The following EPAS1 variants were observed in gnomAD, a reference collection of about 807,000 sequenced individuals.
EPAS1 encodes endothelial PAS domain-containing protein 1.
EPAS1 carries 23 observed loss-of-function variants against 87.9 expected under a neutral mutation model. That is an observed-to-expected ratio of 0.26 (90% CI 0.19 to 0.37). EPAS1 has a LOEUF of 0.37. Among genes scored for constraint, EPAS1 ranks in the 10% least tolerant of loss-of-function variants. The probability of loss-of-function intolerance (pLI) is 1.00; values close to 1 mark genes in which losing one functional copy is unlikely to be tolerated. For missense variants in EPAS1, 1,138 were observed against 1,120.7 expected, an observed-to-expected ratio of 1.02 and a Z score of -0.22; for synonymous variants, 508 against 444.3, an observed-to-expected ratio of 1.14 and a Z score of -1.80.
chr2:46,341,438 G>A (rs1311093303), intron 1 of EPAS1, among the ~76,000 whole-genome samples: 3 of 152,206 alleles, frequency 2.0e-5, no homozygotes, highest in Admixed American at 2.0e-4. Flanking sequence ...CCACCTACCA[G>A]CATAAAGTTA....
intron 1 of EPAS1, chr2:46,335,969 G>C (rs191965827): frequency 6.6e-6 from 1 of 152,186 alleles, no homozygotes; most frequent in Non-Finnish European, 1.5e-5. Context: ...TCTTGTTCAC[G>C]CTGCAGGAGG....
intron 2 of EPAS1, among the ~76,000 whole-genome samples, chr2:46,350,681 G>C (rs1182281401): frequency 6.6e-6 from 1 of 152,232 alleles, no homozygotes; most frequent in African/African-American, 2.4e-5. Context: ...TGCATTCTGA[G>C]GGCATTAAAC....
intron 1 of EPAS1, among the ~76,000 whole-genome samples, chr2:46,308,882 G>A (rs1256034796): frequency 6.6e-6 from 1 of 152,150 alleles, no homozygotes; most frequent in African/African-American, 2.4e-5. Flanking sequence ...CTGCACATTG[G>A]TTACCCCTGT....
At chr2:46,379,704 C>T (rs1684842114) in intron 11 of EPAS1, 1 of 180,904 alleles carries the variant, frequency 5.5e-6, no homozygotes, top group African/African-American at 2.4e-5. Flanking sequence ...CTGATTGGAA[C>T]CAAAGTCTCT....
chr2:46,312,761 T>G (rs1210892627), intron 1 of EPAS1, among the ~76,000 whole-genome samples: 1 of 152,186 alleles, frequency 6.6e-6, no homozygotes, highest in Non-Finnish European at 1.5e-5. Context: ...CCCTGAGATG[T>G]GAGGAAATCT....
intron 1 of EPAS1, among the ~76,000 whole-genome samples, chr2:46,312,542 A>T (rs955367445): frequency 2.0e-5 from 3 of 152,184 alleles, no homozygotes; most frequent in Non-Finnish European, 4.4e-5. Context: ...GCAGACCTTC[A>T]AGGCATCATT....
chr2:46,360,334 G>A lies in EPAS1; in HGVS notation c.455-304G>A, dbSNP rs535394570. ...CTGAGTTAGTGGCTGATAGGCAGTCGTTGTGTCGCTGCTCTGAAGGCACCA... is the reference window on the plus strand; with the variant it reads ...CTGAGTTAGTGGCTGATAGGCAGTCATTGTGTCGCTGCTCTGAAGGCACCA... On this transcript the variant is annotated intron_variant, in intron 4 of 15. Coordinates refer to ENST00000263734, the MANE Select transcript of EPAS1 (RefSeq NM_001430.5). The surrounding 1 kb of genome is among the most constrained non-coding windows in gnomAD (Gnocchi z 4.5). 1.3e-5 allele frequency among the ~76,000 whole-genome samples: 2 copies of A among 152,180 alleles called. No individual in the cohort carries two copies. The highest frequency in any genetic ancestry group is 2.4e-5 in the African/African-American group (1 of 41,422).
At chr2:46,315,105 A>G (rs535521708) in intron 1 of EPAS1, among the ~76,000 whole-genome samples, 1 of 152,290 alleles carries the variant, frequency 6.6e-6, no homozygotes, top group East Asian at 1.9e-4. Flanking sequence ...GGGGCTTCCA[A>G]AATATCAACT....
chr2:46,299,119 T>A (rs1321030902), intron 1 of EPAS1, among the ~76,000 whole-genome samples: 1 of 152,218 alleles, frequency 6.6e-6, no homozygotes, highest in Non-Finnish European at 1.5e-5. Flanking sequence ...CCGGGAGGGC[T>A]CACTGCCGAG....
intron 1 of EPAS1, among the ~76,000 whole-genome samples, chr2:46,306,382 T>C (rs1179440421): frequency 6.6e-6 from 1 of 152,206 alleles, no homozygotes; most frequent in Non-Finnish European, 1.5e-5. Context: ...CAAGCCACAC[T>C]GTCTGAAGTA....
At chr2:46,333,543 G>A (rs185524507) in intron 1 of EPAS1, among the ~76,000 whole-genome samples, 3 of 152,198 alleles carry the variant, frequency 2.0e-5, no homozygotes, top group Admixed American at 6.5e-5. Flanking sequence ...AGCACTTCAG[G>A]TGGAACAAAT....
chr2:46,376,393 T>C, intron 8 of EPAS1, 146 bp from the exon 9 acceptor site: 3 of 781,040 alleles, frequency 3.8e-6, no homozygotes, highest in Admixed American at 1.8e-5. Context: ...ACACTTCTAT[T>C]GTATGGTTCT....
At chr2:46,367,792 C>T (rs563659957) in intron 6 of EPAS1, among the ~76,000 whole-genome samples, 34 of 152,280 alleles carry the variant, frequency 2.2e-4, no homozygotes, top group African/African-American at 7.7e-4. Flanking sequence ...GGCTTTAACC[C>T]CCAAATTCTC....
chr2:46,303,570 G>A (rs950226782), intron 1 of EPAS1, among the ~76,000 whole-genome samples: 1 of 152,208 alleles, frequency 6.6e-6, no homozygotes, highest in African/African-American at 2.4e-5. Context: ...AGTGGAGACA[G>A]CTATGACTCC....
At chr2:46,383,089 G>A (rs951566586) in intron 15 of EPAS1, among the ~76,000 whole-genome samples, 35 of 152,350 alleles carry the variant, frequency 2.3e-4, no homozygotes, top group African/African-American at 4.6e-4. Flanking sequence ...AGCTTGCTGC[G>A]TGGAGAAGGG....
chr2:46,377,106 GA>G (rs1385821681), intron 9 of EPAS1, among the ~76,000 whole-genome samples: 1 of 152,230 alleles, frequency 6.6e-6, no homozygotes, highest in Non-Finnish European at 1.5e-5. Context: ...CACTGTCAAA[GA>G]GAAGGGGCAG....
At chr2:46,309,804 C>T (rs1044910174) in intron 1 of EPAS1, among the ~76,000 whole-genome samples, 5 of 152,132 alleles carry the variant, frequency 3.3e-5, no homozygotes, top group African/African-American at 9.7e-5. Flanking sequence ...TAGGGGCAGG[C>T]CTTCCTGAGT....
At chr2:46,364,467 G>C (rs1684463236) in intron 6 of EPAS1, among the ~76,000 whole-genome samples, 1 of 152,126 alleles carries the variant, frequency 6.6e-6, no homozygotes, top group Non-Finnish European at 1.5e-5. Context: ...ATTTTACATT[G>C]AACTCTCAGG....
intron 1 of EPAS1, among the ~76,000 whole-genome samples, chr2:46,309,026 A>G (rs1017175906): frequency 7.2e-5 from 11 of 152,168 alleles, no homozygotes; most frequent in African/African-American, 2.7e-4. Context: ...AGACCCAGTC[A>G]TTTTTTCCTG....
Sources: gnomAD v4.1 joint callset for allele counts (sites outside exome capture counted in the v4.1 genomes callset) on GRCh38, gnomAD v4.1.1 for gene constraint, Gnocchi (gnomAD v3.1) non-coding constraint, MANE v1.5 for transcripts, NCBI Gene and HGNC (gene_info 2026-07-23, HGNC 2026-07-21) for gene names.